Variants in PSD3 observed in about 807,000 individuals in gnomAD.
PSD3 encodes the protein PH and SEC7 domain-containing protein 3.
A neutral mutation model predicts 105.5 loss-of-function variants in PSD3; 49 were observed. The ratio of observed to expected loss-of-function variants is 0.46; its 90% CI spans 0.37 to 0.59. The LOEUF is 0.59. Ranked by LOEUF, PSD3 falls within the 20% of genes least tolerant of loss-of-function variation. PSD3 has a pLI of 0.00. For synonymous variants in PSD3, 557 were observed against 457.8 expected (o/e 1.22, Z -2.77); for missense variants, 1,561 against 1,263.8 (o/e 1.24, Z -3.57).
At chr8:18,891,713 T>C (rs188609810) in intron 2 of PSD3, among the ~76,000 whole-genome samples, 40 of 152,294 alleles carry the variant, frequency 2.6e-4, no homozygotes, top group African/African-American at 9.6e-4. Context: ...TCCATAAGCA[T>C]TCCAAACTGA....
upstream of PSD3, among the ~76,000 whole-genome samples, chr8:19,015,690 C>G (rs1423676610): frequency 6.6e-6 from 1 of 152,188 alleles, no homozygotes; most frequent in Non-Finnish European, 1.5e-5. Context: ...TGGGCATAGA[C>G]ATCTATAATC....
chr8:18,697,470 G>C (rs996052197), intron 9 of PSD3, among the ~76,000 whole-genome samples: 21 of 152,154 alleles, frequency 1.4e-4, no homozygotes, highest in African/African-American at 4.6e-4. Flanking sequence ...TTATAGAAAA[G>C]TGTTTCTTTT....
chr8:18,980,512 G>C (rs1825197456), intron 1 of PSD3, among the ~76,000 whole-genome samples: 1 of 151,962 alleles, frequency 6.6e-6, no homozygotes. Flanking sequence ...TCTTTTAATT[G>C]GTACATTTAG....
At chr8:18,709,332 TA>T (rs1802099194) in intron 9 of PSD3, among the ~76,000 whole-genome samples, 2 of 152,112 alleles carry the variant, frequency 1.3e-5, no homozygotes, top group African/African-American at 4.8e-5. Flanking sequence ...GGATTTAGGA[TA>T]AAACTCTTGA....
intron 4 of PSD3, among the ~76,000 whole-genome samples, chr8:18,809,811 T>C (rs1811538952): frequency 6.6e-6 from 1 of 152,198 alleles, no homozygotes; most frequent in South Asian, 2.1e-4. Context: ...CAAGACTTTG[T>C]TGCCTATAAT....
chr8:18,554,702 G>T (rs988764581), intron 15 of PSD3, among the ~76,000 whole-genome samples: 1 of 152,102 alleles, frequency 6.6e-6, no homozygotes, highest in Non-Finnish European at 1.5e-5. Flanking sequence ...TTTGGGTAGG[G>T]GGAGGTATTA....
At chr8:18,577,768 G>C (rs961722810) in intron 12 of PSD3, among the ~76,000 whole-genome samples, 1 of 151,964 alleles carries the variant, frequency 6.6e-6, no homozygotes, top group Admixed American at 6.6e-5. Context: ...CTTGTGTTAT[G>C]CATTTTCTGT....
At chr8:18,843,782 G>A (rs568753034) in intron 4 of PSD3, among the ~76,000 whole-genome samples, 17 of 152,276 alleles carry the variant, frequency 1.1e-4, no homozygotes, top group African/African-American at 3.6e-4. Flanking sequence ...GGTGATGAAT[G>A]ACAGTTGACA....
chr8:18,774,199 C>A (rs1482457877), intron 8 of PSD3, among the ~76,000 whole-genome samples: 1 of 152,064 alleles, frequency 6.6e-6, no homozygotes, highest in Non-Finnish European at 1.5e-5. Flanking sequence ...GTTTTAAAGA[C>A]ACAAAATATT....
intron 14 of PSD3, among the ~76,000 whole-genome samples, chr8:18,559,742 T>C (rs1357652541): frequency 2.0e-5 from 3 of 152,212 alleles, no homozygotes; most frequent in Admixed American, 6.5e-5. Context: ...TCTTTTTCTG[T>C]TGAACAAATC....
chr8:18,675,771 G>A (rs1289377100), intron 9 of PSD3, among the ~76,000 whole-genome samples: 1 of 152,124 alleles, frequency 6.6e-6, no homozygotes, highest in Non-Finnish European at 1.5e-5. Context: ...TAAAATTAAT[G>A]TTAGAAGAGC....
chr8:18,779,533 T>G (rs570940388), intron 8 of PSD3, among the ~76,000 whole-genome samples: 16 of 152,174 alleles, frequency 1.1e-4, no homozygotes, highest in Admixed American at 2.0e-4. Flanking sequence ...GGTGCATCAA[T>G]AGGTTCTTTA....
chr8:18,697,832 C>A (rs943736037), intron 9 of PSD3, among the ~76,000 whole-genome samples: 2 of 152,108 alleles, frequency 1.3e-5, no homozygotes, highest in African/African-American at 4.8e-5. Flanking sequence ...GTCTGATCAG[C>A]AAATTGTTTT....
At chr8:18,919,320 C>T (rs544109934) in intron 2 of PSD3, among the ~76,000 whole-genome samples, 3 of 152,082 alleles carry the variant, frequency 2.0e-5, no homozygotes, top group Non-Finnish European at 2.9e-5. Context: ...CTCACACACC[C>T]TTAGAAAGGA....
intron 9 of PSD3, among the ~76,000 whole-genome samples, chr8:18,748,169 T>TAC (rs139323736): frequency 0.068 from 10,345 of 152,204 alleles, 573 homozygotes; most frequent in African/African-American, 0.15. Context: ...CCCTTATGTA[T>TAC]ACACACTTTA....
chr8:18,869,081 C>A (rs1277299586), intron 3 of PSD3, among the ~76,000 whole-genome samples: 3 of 151,898 alleles, frequency 2.0e-5, no homozygotes, highest in Non-Finnish European at 4.4e-5. Flanking sequence ...CCCATGGGAC[C>A]AAATGCTTGT....
chr8:18,734,917 C>A (rs1804035874), intron 9 of PSD3, among the ~76,000 whole-genome samples: 1 of 152,168 alleles, frequency 6.6e-6, no homozygotes, highest in Non-Finnish European at 1.5e-5. Flanking sequence ...AACGAACAGT[C>A]CTCATCTCAG....
intron 4 of PSD3, among the ~76,000 whole-genome samples, chr8:18,809,223 TC>T (rs2129448162): frequency 6.6e-6 from 1 of 152,296 alleles, no homozygotes; most frequent in South Asian, 2.1e-4. Context: ...TTTTTCTTGA[TC>T]AAATCACTTT....
intron 1 of PSD3, among the ~76,000 whole-genome samples, chr8:19,071,216 T>C (rs780288878): frequency 2.0e-5 from 3 of 152,084 alleles, no homozygotes; most frequent in Admixed American, 2.0e-4. Context: ...TGCACCACCA[T>C]GCCCGGTTAA....
Sources: gnomAD v4.1 joint callset for allele counts (sites outside exome capture counted in the v4.1 genomes callset) on GRCh38, gnomAD v4.1.1 for gene constraint, MANE v1.5 for transcripts, NCBI Gene and HGNC (gene_info 2026-07-23, HGNC 2026-07-21) for gene names.